BANK1: variants seen among roughly 807,000 people sequenced by gnomAD.
BANK1 encodes B cell scaffold protein with ankyrin repeats 1.
Under a neutral mutation model 94.5 loss-of-function variants are expected in BANK1, and 95 were observed. The observed-to-expected ratio is 1.00, with a 90% CI of 0.85 to 1.19. The LOEUF (loss-of-function observed/expected upper bound fraction) is 1.19, where lower values mean the gene tolerates loss of function less well. BANK1 is among the 50% of genes most tolerant of loss of function. The pLI is 0.00. For synonymous variants in BANK1, 334 were observed against 308.4 expected, an observed-to-expected ratio of 1.08 and a Z score of -0.87; for missense variants, 987 against 932.2, an observed-to-expected ratio of 1.06 and a Z score of -0.77.
At chr4:101,878,927 A>G (rs1054459362) in intron 5 of BANK1, among the ~76,000 whole-genome samples, 1 of 152,076 alleles carries the variant, frequency 6.6e-6, no homozygotes, top group African/African-American at 2.4e-5. Context: ...ACAACATACC[A>G]AAATCTATGA....
At chr4:101,832,776 A>G (rs1726670215) in intron 2 of BANK1, among the ~76,000 whole-genome samples, 1 of 152,050 alleles carries the variant, frequency 6.6e-6, no homozygotes, top group African/African-American at 2.4e-5. Context: ...GTTTGGTTAC[A>G]ATTTTCAACT....
At chr4:101,859,114 T>A (rs1288861773) in intron 3 of BANK1, among the ~76,000 whole-genome samples, 1 of 152,168 alleles carries the variant, frequency 6.6e-6, no homozygotes, top group Non-Finnish European at 1.5e-5. Context: ...CACAAACTAG[T>A]CCTTGGTAAC....
At chr4:101,916,703 T>G (rs1213093995) in intron 6 of BANK1, among the ~76,000 whole-genome samples, 1 of 152,038 alleles carries the variant, frequency 6.6e-6, no homozygotes, top group Non-Finnish European at 1.5e-5. Flanking sequence ...TTTAAAAAAT[T>G]TCCCCCAGAC....
intron 7 of BANK1, among the ~76,000 whole-genome samples, chr4:102,020,073 T>G (rs1726840785): frequency 6.6e-6 from 1 of 152,166 alleles, no homozygotes; most frequent in Admixed American, 6.5e-5. Context: ...AGTTTATTAA[T>G]TCACAGTGAT....
intron 6 of BANK1, among the ~76,000 whole-genome samples, chr4:101,911,675 TA>T (rs767947168): frequency 3.9e-5 from 6 of 152,190 alleles, no homozygotes; most frequent in Non-Finnish European, 7.4e-5. Context: ...GCTCCCCAAA[TA>T]AAATGATTCT....
chr4:102,073,818 T>C, intron 16 of BANK1, 70 bp downstream of exon 16: 2 of 1,262,742 alleles, frequency 1.6e-6, no homozygotes, highest in South Asian at 1.3e-5. Context: ...AAGGTATCAT[T>C]TGTCTAAAAA....
At chr4:102,035,875 C>G (rs1727494949) in intron 10 of BANK1, among the ~76,000 whole-genome samples, 1 of 151,790 alleles carries the variant, frequency 6.6e-6, no homozygotes, top group African/African-American at 2.4e-5. Context: ...GTTCATTAAG[C>G]TTGAAGAATA....
chr4:102,012,407 C>A (rs1167685587), intron 7 of BANK1, among the ~76,000 whole-genome samples: 1 of 151,864 alleles, frequency 6.6e-6, no homozygotes, highest in Admixed American at 6.6e-5. Context: ...AAAAATAACT[C>A]TCTTAATTCT....
chr4:101,906,147 A>T (rs1338089504), intron 6 of BANK1, among the ~76,000 whole-genome samples: 1 of 152,194 alleles, frequency 6.6e-6, no homozygotes, highest in Non-Finnish European at 1.5e-5. Flanking sequence ...AAATTGTAAG[A>T]ACAGAGCAGG....
At position 101,895,901 on chromosome 4, in the gene BANK1, T is replaced by C. The variant is rs763590237; in HGVS notation, c.1009+491T>C. On this transcript the variant is annotated intron_variant, in intron 6 of 16. Coordinates refer to ENST00000322953, the MANE Select transcript of BANK1 (RefSeq NM_017935.5). ...GCTATGTAGCAGAGAGAGAGTGTGA[T>C]CATCTGTTTAAAAAAGTACGTGTAC... Among the ~76,000 whole-genome samples the C allele has an allele frequency of 2.6e-5, 4 of 151,858 alleles. No individual in the cohort carries two copies. In the South Asian group the frequency reaches 6.2e-4, roughly 24 times the overall value.
At chr4:101,918,719 T>G (rs1420472969) in intron 7 of BANK1, among the ~76,000 whole-genome samples, 1 of 152,012 alleles carries the variant, frequency 6.6e-6, no homozygotes, top group Non-Finnish European at 1.5e-5. Context: ...ATTATGCTGA[T>G]AAATTATCAA....
rs79796836 is a variant in BANK1 at position 101,996,796 on chromosome 4, A to G, written c.1207-24718A>G. Reference sequence around the variant, plus strand: ...CATTGATTTTGTATCCTGACACTTTACTAAGTTGCTTATCAGCTTAAGGAG... The same window carrying G: ...CATTGATTTTGTATCCTGACACTTTGCTAAGTTGCTTATCAGCTTAAGGAG... On this transcript the variant is annotated intron_variant, in intron 7 of 16. Transcript: ENST00000322953. Among the ~76,000 whole-genome samples, 941 of 152,158 alleles carry G rather than the reference A, an allele frequency of 6.2e-3. 13 individuals are homozygous for G. Among genetic ancestry groups the G allele is most frequent in the East Asian group, 0.057 (295 of 5,170 alleles).
At chr4:101,956,527 ATACCC>A (rs1424165583) in intron 7 of BANK1, among the ~76,000 whole-genome samples, 1 of 152,138 alleles carries the variant, frequency 6.6e-6, no homozygotes, top group Non-Finnish European at 1.5e-5. Context: ...CCCCTTGGTA[ATACCC>A]TAACCTCTAA....
chr4:101,939,321 C>T (rs972698721), intron 7 of BANK1, among the ~76,000 whole-genome samples: 2 of 151,700 alleles, frequency 1.3e-5, no homozygotes, highest in Non-Finnish European at 2.9e-5. Context: ...AAAATATATG[C>T]AATTTGCATT....
chr4:102,061,698 AGTT>A (rs1460031891), intron 12 of BANK1: 1 of 152,028 alleles, frequency 6.6e-6, no homozygotes, highest in Non-Finnish European at 1.5e-5. Flanking sequence ...TTATTTCACT[AGTT>A]GTTTCATCAA....
At chr4:101,897,283 C>T (rs528278344) in intron 6 of BANK1, among the ~76,000 whole-genome samples, 1 of 152,062 alleles carries the variant, frequency 6.6e-6, no homozygotes, top group East Asian at 1.9e-4. Context: ...CAAATTTCCT[C>T]AGCATTATAT....
At chr4:102,052,767 A>G (rs1240244054) in intron 11 of BANK1, among the ~76,000 whole-genome samples, 2 of 152,218 alleles carry the variant, frequency 1.3e-5, no homozygotes, top group Non-Finnish European at 2.9e-5. Flanking sequence ...AGTACTAGGC[A>G]GTTGGCAACA....
intron 7 of BANK1, among the ~76,000 whole-genome samples, chr4:101,993,151 T>A (rs1013736241): frequency 9.9e-5 from 15 of 152,182 alleles, no homozygotes; most frequent in African/African-American, 3.4e-4. Context: ...AATCTAGTCA[T>A]TGATTCTGTA....
At chr4:102,021,157 T>C (rs1726883471) in intron 7 of BANK1, among the ~76,000 whole-genome samples, 1 of 22,628 alleles carries the variant, frequency 4.4e-5, no homozygotes, top group Non-Finnish European at 1.3e-4. Context: ...GTAAAAGATA[T>C]AGAATGTTCA....
Sources: allele counts gnomAD v4.1 joint callset (sites outside exome capture counted in the v4.1 genomes callset), GRCh38; gene constraint gnomAD v4.1.1; transcripts MANE v1.5; gene names NCBI Gene and HGNC (gene_info 2026-07-23, HGNC 2026-07-21).